Variants in ADAMTS16 observed in about 807,000 individuals in gnomAD.
The protein encoded by ADAMTS16 is A disintegrin and metalloproteinase with thrombospondin motifs 16.
A neutral mutation model predicts 145.8 loss-of-function variants in ADAMTS16; 94 were observed. That is an observed-to-expected ratio of 0.64 (90% CI 0.55 to 0.77). The LOEUF (loss-of-function observed/expected upper bound fraction) is 0.77, where lower values mean the gene tolerates loss of function less well. Among genes scored for constraint, ADAMTS16 ranks in the 30% least tolerant of loss-of-function variants. The pLI is 0.00. For missense variants in ADAMTS16, 1,585 were observed against 1,591.5 expected (o/e 1.00, Z 0.07); for synonymous variants, 659 against 604.3 (o/e 1.09, Z -1.33).
intron 17 of ADAMTS16, among the ~76,000 whole-genome samples, chr5:5,247,552 A>T (rs2913638): frequency 6.6e-6 from 1 of 152,082 alleles, no homozygotes; most frequent in Non-Finnish European, 1.5e-5. Flanking sequence ...ATTCTTTCCC[A>T]TTCCCAGAGT....
intron 7 of ADAMTS16, among the ~76,000 whole-genome samples, chr5:5,190,919 A>G (rs76875859): frequency 0.028 from 4,284 of 152,064 alleles, 243 homozygotes; most frequent in Admixed American, 0.15. Context: ...AATTGTGTGT[A>G]CAAACAGTGT....
rs1734117249 is a variant in ADAMTS16 at position 5,140,355 on chromosome 5, A to T, written c.-113A>T. The T allele has an allele frequency of 9.4e-7, 1 of 1,064,594 alleles. No individual in the cohort carries two copies. The highest frequency in any genetic ancestry group is 1.7e-5 in the African/African-American group (1 of 59,034). 65.9% of individuals were successfully genotyped at this position (1,064,594 alleles called of 1,614,324 possible). A position where few individuals can be genotyped will look rare whatever the true frequency, so the allele number is the denominator to read the frequency against. On this transcript the variant is annotated 5_prime_UTR_variant, in exon 1 of 23. Coordinates refer to ENST00000274181, the MANE Select transcript of ADAMTS16 (RefSeq NM_139056.4). ...AGTAATAACCCCGGCGCGGCGGCGG[A>T]GTCGCTGTGGGGAATCCTCCCGCGC...
At chr5:5,173,158 G>A (rs1735092556) in intron 3 of ADAMTS16, among the ~76,000 whole-genome samples, 1 of 147,990 alleles carries the variant, frequency 6.8e-6, no homozygotes. Context: ...TTACTTGTAG[G>A]CAACAGATCA....
chr5:5,306,503 G>A lies in ADAMTS16; in HGVS notation c.3187-1G>A. ...GACTTCTTTTGTTCTCTTCTTTTTA[G>A]TGCTCTGTGACATGTGAAAGAGGAA... On this transcript the variant is annotated splice_acceptor_variant, in intron 20 of 22. Transcript: ENST00000274181. LOFTEE classifies it high-confidence loss of function. 1.9e-6 allele frequency: 3 copies of A among 1,605,692 alleles called. No individual in the cohort carries two copies. The highest frequency in any genetic ancestry group is 2.6e-6 in the Non-Finnish European group (3 of 1,174,414).
At position 5,191,713 on chromosome 5, in the gene ADAMTS16, T is replaced by A; in HGVS notation, c.1236T>A (p.Ser412Arg). The A allele has an allele frequency of 6.2e-7, 1 of 1,613,794 alleles. No homozygotes were observed. The highest frequency in any genetic ancestry group is 1.1e-5 in the South Asian group (1 of 91,066). Residue 412 changes from serine (S) to arginine (R), a missense_variant, in exon 8 of 23, where the codon AGT becomes AGA. Coordinates refer to ENST00000274181, the MANE Select transcript of ADAMTS16 (RefSeq NM_139056.4). ...TTGCACCCATAAGTGGAATGTGTAG[T>A]AAATATCGCAGCTGCACGATTAATG... ...LGFAPISGMC[S>R]KYRSCTINED... is the part of the protein sequence containing the mutation.
chr5:5,160,670 A>T (rs922733324), intron 3 of ADAMTS16, among the ~76,000 whole-genome samples: 4 of 151,996 alleles, frequency 2.6e-5, no homozygotes, highest in African/African-American at 9.7e-5. Flanking sequence ...TCAAATACTG[A>T]CTGGGTCATG....
At chr5:5,222,671 GGCATTC>G (rs1246862060) in intron 10 of ADAMTS16, 112 bp from the exon 11 acceptor site, 3 of 765,408 alleles carry the variant, frequency 3.9e-6, no homozygotes, top group Non-Finnish European at 6.6e-6. Flanking sequence ...TTGCTAAGTA[GGCATTC>G]GCTTGTAAAT....
chr5:5,223,753 T>C (rs1736675962), intron 11 of ADAMTS16: 1 of 152,172 alleles, frequency 6.6e-6, no homozygotes, highest in South Asian at 2.1e-4. Flanking sequence ...AATATTTTAA[T>C]TCTTTTGATT....
chr5:5,295,722 C>T (rs778113529), intron 18 of ADAMTS16, among the ~76,000 whole-genome samples: 11 of 152,156 alleles, frequency 7.2e-5, no homozygotes, highest in East Asian at 3.8e-4. Context: ...CAGAGATGAA[C>T]GGAGCAGACA....
intron 17 of ADAMTS16, among the ~76,000 whole-genome samples, chr5:5,255,741 GA>G (rs1477887035): frequency 3.3e-5 from 5 of 152,232 alleles, no homozygotes. Context: ...GAGTGTGAAA[GA>G]AGAAGGTATG....
At chr5:5,289,257 G>A (rs570764652) in intron 18 of ADAMTS16, among the ~76,000 whole-genome samples, 7 of 152,348 alleles carry the variant, frequency 4.6e-5, no homozygotes, top group Non-Finnish European at 1.0e-4. Context: ...CAGGGGCACT[G>A]ATTCTGCGTG....
chr5:5,184,584 G>T (rs912288827), intron 4 of ADAMTS16, among the ~76,000 whole-genome samples: 3 of 152,060 alleles, frequency 2.0e-5, no homozygotes, highest in Admixed American at 2.0e-4. Context: ...GCATTTTTCG[G>T]TGGAAAAGGG....
chr5:5,141,533 T>C (rs1734169591), intron 2 of ADAMTS16, among the ~76,000 whole-genome samples: 1 of 152,260 alleles, frequency 6.6e-6, no homozygotes, highest in African/African-American at 2.4e-5. Context: ...TTTTTTAACC[T>C]GAACCCATCC....
chr5:5,227,686 AAAG>A (rs1736810400), intron 11 of ADAMTS16, among the ~76,000 whole-genome samples: 1 of 152,238 alleles, frequency 6.6e-6, no homozygotes, highest in African/African-American at 2.4e-5. Context: ...AGAAATAACA[AAAG>A]ATGTAAAAAC....
intron 10 of ADAMTS16, among the ~76,000 whole-genome samples, chr5:5,215,142 C>CT (rs1460215692): frequency 6.6e-6 from 1 of 152,056 alleles, no homozygotes; most frequent in African/African-American, 2.4e-5. Context: ...CATATGCATC[C>CT]TTTTTTTGTA....
rs1738077726 is a variant in ADAMTS16 at position 5,262,772 on chromosome 5, C to G, written c.2778C>G (p.Ala926=). The change falls in exon 18 of 23, where the codon GCC becomes GCG. Residue 926 remains alanine, a synonymous_variant. Coordinates refer to ENST00000274181, the MANE Select transcript of ADAMTS16 (RefSeq NM_139056.4). ...GGCTGGTGCCTTGCAAAGTATCTGC[C>G]TGTCCTCCCAGGTAAGAAGCATCGC... ...VTGLVPCKVS[A]CPPSWSVGNW... 1 of 1,613,994 alleles carries G rather than the reference C, an allele frequency of 6.2e-7. No homozygotes were observed. The highest frequency in any genetic ancestry group is 1.7e-5 in the Admixed American group (1 of 59,978).
intron 3 of ADAMTS16, among the ~76,000 whole-genome samples, chr5:5,179,837 C>T (rs1311831775): frequency 1.3e-5 from 2 of 152,164 alleles, no homozygotes; most frequent in Admixed American, 1.3e-4. Context: ...GATAGTCTAC[C>T]AAGCTTACCT....
At chr5:5,171,624 A>G (rs1735043809) in intron 3 of ADAMTS16, among the ~76,000 whole-genome samples, 1 of 152,210 alleles carries the variant, frequency 6.6e-6, no homozygotes, top group Non-Finnish European at 1.5e-5. Flanking sequence ...GATAAATCCT[A>G]CTTGGTCATG....
At chr5:5,287,574 C>T (rs1317997337) in intron 18 of ADAMTS16, among the ~76,000 whole-genome samples, 2 of 152,098 alleles carry the variant, frequency 1.3e-5, no homozygotes, top group East Asian at 1.9e-4. Context: ...AAGAAAGCGA[C>T]GTAGAGAGTT....
Sources: gnomAD v4.1 joint callset for allele counts (sites outside exome capture counted in the v4.1 genomes callset) on GRCh38, gnomAD v4.1.1 for gene constraint, MANE v1.5 for transcripts, NCBI Gene and HGNC (gene_info 2026-07-23, HGNC 2026-07-21) for gene names.